MROH9: variants seen among roughly 807,000 people sequenced by gnomAD.
MROH9 encodes maestro heat like repeat family member 9.
In MROH9, 92 loss-of-function variants were observed where a neutral mutation model predicts 98.2. That is an observed-to-expected ratio of 0.94 (90% CI 0.79 to 1.11). The LOEUF (loss-of-function observed/expected upper bound fraction) is 1.11, where lower values mean the gene tolerates loss of function less well. MROH9 is among the 50% of genes most tolerant of loss of function. The pLI is 0.00. For synonymous variants in MROH9, 397 were observed against 368.9 expected (o/e 1.08, Z -0.87); for missense variants, 1,057 against 1,014.8 (o/e 1.04, Z -0.57).
intron 8 of MROH9, among the ~76,000 whole-genome samples, chr1:170,974,290 A>G (rs1650597528): frequency 1.3e-5 from 2 of 152,172 alleles, no homozygotes; most frequent in Admixed American, 6.5e-5. Flanking sequence ...ATGTAATAAA[A>G]GCTATAAACT....
chr1:171,015,026 C>T (rs774756639), intron 16 of MROH9: 19 of 471,824 alleles, frequency 4.0e-5, no homozygotes, highest in South Asian at 2.8e-4. Flanking sequence ...TGAATTTAAG[C>T]ACGTTCCATT....
rs1346280198 is a variant in MROH9, at chr1:171,064,291, TAGAC to T, written c.2540_2543del (p.Asp847ValfsTer18). On this transcript the variant is annotated frameshift_variant, in exon 22 of 22. Transcript: ENST00000367759. LOFTEE classifies it low-confidence loss of function (END_TRUNC). ...AATTATAACTCACCCAATGGCCAGA[TAGAC>T]AGTCCTACAGACAGTAAAGATGTCA... The T allele has an allele frequency of 7.7e-6, 12 of 1,551,034 alleles. 1 individual carries two copies. The highest frequency in any genetic ancestry group is 1.7e-4 in the Middle Eastern group (1 of 6,006).
chr1:170,986,885 C>T (rs192308823), intron 10 of MROH9, among the ~76,000 whole-genome samples, 175 bp downstream of exon 10: 3 of 152,268 alleles, frequency 2.0e-5, no homozygotes, highest in Admixed American at 1.3e-4. Context: ...GGGTCTTGCT[C>T]TGTGGCTCAC....
At chr1:171,058,072 G>A (rs544001849) in intron 20 of MROH9, among the ~76,000 whole-genome samples, 23 of 152,134 alleles carry the variant, frequency 1.5e-4, no homozygotes, top group Non-Finnish European at 2.9e-5. Context: ...AGATGACACG[G>A]TTTTATATTT....
chr1:170,946,278 T>C (rs942526668), intron 2 of MROH9, among the ~76,000 whole-genome samples: 1 of 151,972 alleles, frequency 6.6e-6, no homozygotes, highest in African/African-American at 2.4e-5. Context: ...CCCAGTCTAA[T>C]TATATGAAAA....
At chr1:170,982,799 G>A (rs1468636992) in intron 8 of MROH9, among the ~76,000 whole-genome samples, 9 of 152,118 alleles carry the variant, frequency 5.9e-5, no homozygotes, top group Non-Finnish European at 1.3e-4. Context: ...GGAGGCTGAG[G>A]TGAGAAGATC....
chr1:170,959,514 T>A lies in MROH9; in HGVS notation c.205T>A (p.Ser69Thr), dbSNP rs758519222. ...ATCTCAGTTGAAGATAATAGAGTCA[T>A]CCTTTGGAATGCTAGTTGTCATGCC... ...FESQLKIIES[S>T]FGMLVVMPSL... The change falls in exon 5 of 22, where the codon TCC becomes ACC. Residue 69 changes from serine to threonine, a missense_variant. By Grantham distance (58) the Ser-to-Thr change is moderately conservative (BLOSUM62 1). Coordinates refer to ENST00000367759, the MANE Select transcript of MROH9 (RefSeq NM_001163629.2). 1 of 1,613,696 alleles carries A rather than the reference T, an allele frequency of 6.2e-7. No individual in the cohort carries two copies. Among genetic ancestry groups the A allele is most frequent in the South Asian group, 1.1e-5 (1 of 90,938 alleles).
intron 8 of MROH9, among the ~76,000 whole-genome samples, chr1:170,981,964 A>G (rs1353872012): frequency 6.6e-6 from 1 of 152,208 alleles, no homozygotes; most frequent in Non-Finnish European, 1.5e-5. Context: ...TAAGGATGTC[A>G]CTGGAGCTCA....
Position 170,943,829 on chromosome 1 carries a change from A to G in MROH9, c.-37-1691A>G, listed in dbSNP as rs1649217137. Among the ~76,000 whole-genome samples, 2 of 152,074 alleles carry G rather than the reference A, an allele frequency of 1.3e-5. 1 individual carries two copies. The highest frequency in any genetic ancestry group is 4.1e-4 in the South Asian group (2 of 4,826). On this transcript the variant is annotated intron_variant, in intron 1 of 21. Transcript: ENST00000367759. Reference sequence around the variant, plus strand: ...AATCAAGGAATGTGATTCTCATGAGATTCTCTTAAATAAAGTCAAAGAAAA... The same window carrying G: ...AATCAAGGAATGTGATTCTCATGAGGTTCTCTTAAATAAAGTCAAAGAAAA...
At chr1:170,974,162 T>C (rs1050617252) in intron 8 of MROH9, among the ~76,000 whole-genome samples, 1 of 152,198 alleles carries the variant, frequency 6.6e-6, no homozygotes, top group Non-Finnish European at 1.5e-5. Flanking sequence ...CAGTGAGCTA[T>C]CAGGCATGTC....
At chr1:171,001,162 C>A (rs965642750) in intron 15 of MROH9, among the ~76,000 whole-genome samples, 18 of 152,050 alleles carry the variant, frequency 1.2e-4, no homozygotes, top group African/African-American at 4.3e-4. Context: ...AATCGTCTAT[C>A]AATTTTATTC....
At chr1:171,025,984 T>C (rs1343777092) in intron 20 of MROH9, among the ~76,000 whole-genome samples, 1 of 152,214 alleles carries the variant, frequency 6.6e-6, no homozygotes, top group African/African-American at 2.4e-5. Flanking sequence ...AATTCCCAGC[T>C]TAGTAGTGAG....
chr1:170,979,665 G>A (rs1650851444), intron 8 of MROH9, among the ~76,000 whole-genome samples: 1 of 152,056 alleles, frequency 6.6e-6, no homozygotes, highest in Non-Finnish European at 1.5e-5. Flanking sequence ...AGGTATTTCT[G>A]CTCTTTGAAA....
At chr1:171,024,321 T>TGC in intron 17 of MROH9, 74 bp from the exon 18 acceptor site, 1 of 978,150 alleles carries the variant, frequency 1.0e-6, no homozygotes, top group Admixed American at 2.0e-5. Context: ...TGTGTGTGTG[T>TGC]GTGTGTGTGT....
intron 7 of MROH9, among the ~76,000 whole-genome samples, chr1:170,968,062 T>G (rs1651396351): frequency 6.6e-6 from 1 of 152,176 alleles, no homozygotes; most frequent in Non-Finnish European, 1.5e-5. Context: ...GAAGACAGAT[T>G]AGGTAGAAGA....
chr1:171,034,241 G>T (rs544437307), intron 20 of MROH9, among the ~76,000 whole-genome samples: 1 of 152,110 alleles, frequency 6.6e-6, no homozygotes, highest in Admixed American at 6.5e-5. Context: ...CAGCTATACA[G>T]ATAACAGAAC....
intron 1 of MROH9, among the ~76,000 whole-genome samples, chr1:170,938,952 A>T (rs1305550674): frequency 6.6e-6 from 1 of 152,166 alleles, no homozygotes; most frequent in Admixed American, 6.5e-5. Flanking sequence ...TACATAATTT[A>T]CATCCCTGAC....
At chr1:171,000,214 T>C (rs546711297) in intron 15 of MROH9, among the ~76,000 whole-genome samples, 1 of 152,266 alleles carries the variant, frequency 6.6e-6, no homozygotes, top group African/African-American at 2.4e-5. Context: ...TATTTTTGTT[T>C]TTGTTGCATT....
At chr1:170,971,209 G>A (rs777503735) in intron 7 of MROH9, among the ~76,000 whole-genome samples, 1 of 152,094 alleles carries the variant, frequency 6.6e-6, no homozygotes, top group African/African-American at 2.4e-5. Flanking sequence ...GAAATATTTT[G>A]GTAGTAGCTT....
Sources: allele counts gnomAD v4.1 joint callset (sites outside exome capture counted in the v4.1 genomes callset), GRCh38; gene constraint gnomAD v4.1.1; transcripts MANE v1.5; gene names NCBI Gene and HGNC (gene_info 2026-07-23, HGNC 2026-07-21).